LDLRAD4: variants seen among roughly 807,000 people sequenced by gnomAD.
LDLRAD4 encodes the protein low-density lipoprotein receptor class A domain-containing protein 4.
A neutral mutation model predicts 17.0 loss-of-function variants in LDLRAD4; 5 were observed. That is an observed-to-expected ratio of 0.29 (90% CI 0.15 to 0.62). The LOEUF is 0.62. LDLRAD4 is among the 20% of genes least tolerant of loss of function. The pLI, the probability that LDLRAD4 is intolerant of heterozygous loss-of-function variation, is 0.84. For missense variants in LDLRAD4, 340 were observed against 424.7 expected, an observed-to-expected ratio of 0.80 and a Z score of 1.75; for synonymous variants, 168 against 171.8, an observed-to-expected ratio of 0.98 and a Z score of 0.17.
chr18:13,561,707 A>G (rs529964173), intron 3 of LDLRAD4: 1 of 152,290 alleles, frequency 6.6e-6, no homozygotes, highest in East Asian at 1.9e-4. Flanking sequence ...TCAGTGTAGG[A>G]TTGATACCAA....
chr18:13,322,550 T>G (rs1035446703), intron 1 of LDLRAD4, among the ~76,000 whole-genome samples: 4 of 152,126 alleles, frequency 2.6e-5, no homozygotes, highest in Admixed American at 2.6e-4. Flanking sequence ...TCCACCTGCC[T>G]CAGCCTCCCA....
intron 3 of LDLRAD4, among the ~76,000 whole-genome samples, chr18:13,531,281 T>C (rs2094122538): frequency 6.6e-6 from 1 of 152,116 alleles, no homozygotes; most frequent in South Asian, 2.1e-4. Context: ...CTGTCCTACT[T>C]GTGGAATCAG....
intron 3 of LDLRAD4, chr18:13,542,902 C>G (rs1037752019): frequency 2.0e-5 from 3 of 152,158 alleles, no homozygotes; most frequent in Admixed American, 2.0e-4. Context: ...GCTTGTGTCC[C>G]CTCCAAGTCC....
chr18:13,512,310 T>A (rs1171829932), intron 3 of LDLRAD4, among the ~76,000 whole-genome samples: 1 of 152,208 alleles, frequency 6.6e-6, no homozygotes, highest in Non-Finnish European at 1.5e-5. Context: ...CCTAAAACCC[T>A]ACATAACTAT....
At position 13,255,373 on chromosome 18, in the gene LDLRAD4, A is replaced by G. The variant is rs116236217; in HGVS notation, c.-466-22732A>G. 1.4e-3 allele frequency among the ~76,000 whole-genome samples: 216 copies of G among 152,320 alleles called. 1 individual carries two copies. The highest frequency in any genetic ancestry group is 4.8e-3 in the African/African-American group (201 of 41,572). ...CCGAGAAGGTAGCATTAGAGCAGGG[A>G]GTGACCATATGGGTACTGGGGAAGA... On this transcript the variant is annotated intron_variant, in intron 1 of 5. Transcript: ENST00000399848.
intron 3 of LDLRAD4, among the ~76,000 whole-genome samples, chr18:13,561,023 A>G (rs982576376): frequency 6.7e-6 from 1 of 150,072 alleles, no homozygotes; most frequent in Admixed American, 6.7e-5. Flanking sequence ...AGGTCTCCCA[A>G]GAGCTCTGGG....
chr18:13,423,874 C>T (rs111589303), intron 2 of LDLRAD4, among the ~76,000 whole-genome samples: 3,934 of 152,244 alleles, frequency 0.026, 184 homozygotes, highest in African/African-American at 0.091. Context: ...ATGGCTCATG[C>T]GTGTAATCCC....
At chr18:13,295,916 T>C (rs2046245822) in intron 1 of LDLRAD4, among the ~76,000 whole-genome samples, 1 of 152,232 alleles carries the variant, frequency 6.6e-6, no homozygotes, top group Admixed American at 6.5e-5. Context: ...AAGTTGGAGC[T>C]TTGGGACTCC....
intron 2 of LDLRAD4, among the ~76,000 whole-genome samples, chr18:13,435,705 C>G (rs1051205932): frequency 3.3e-5 from 5 of 152,202 alleles, no homozygotes; most frequent in Admixed American, 6.5e-5. Context: ...GCCTCTGCCT[C>G]CCAAGTGTGG....
intron 2 of LDLRAD4, among the ~76,000 whole-genome samples, chr18:13,401,096 G>A (rs568092614): frequency 1.2e-4 from 18 of 152,160 alleles, no homozygotes; most frequent in African/African-American, 4.1e-4. Context: ...CTAAGGACAA[G>A]GGAGGGCAAG....
At chr18:13,262,315 T>TGGCCGTGTGC (rs2043898498) in intron 1 of LDLRAD4, among the ~76,000 whole-genome samples, 1 of 134,450 alleles carries the variant, frequency 7.4e-6, no homozygotes, top group African/African-American at 3.2e-5. Context: ...GCTCTGTGTG[T>TGGCCGTGTGC]GTGGAAACTG....
intron 1 of LDLRAD4, among the ~76,000 whole-genome samples, chr18:13,230,545 G>A (rs1175730244): frequency 6.6e-6 from 1 of 151,612 alleles, no homozygotes; most frequent in Non-Finnish European, 1.5e-5. Flanking sequence ...TGACCTGTGT[G>A]CTTAGACATT....
At chr18:13,612,550 C>A (rs1188197065) in intron 3 of LDLRAD4, 21 of 1,444,094 alleles carry the variant, frequency 1.5e-5, no homozygotes, top group East Asian at 2.5e-5. Context: ...AACACACCCC[C>A]CCCCCCTCCA....
chr18:13,505,246 AAGC>A (rs1185717435), intron 3 of LDLRAD4, among the ~76,000 whole-genome samples: 5 of 152,246 alleles, frequency 3.3e-5, no homozygotes, highest in African/African-American at 1.2e-4. Flanking sequence ...GAACAGAACT[AAGC>A]AGAAGAACTT....
At chr18:13,304,809 TG>T (rs954659772) in intron 1 of LDLRAD4, among the ~76,000 whole-genome samples, 9 of 152,046 alleles carry the variant, frequency 5.9e-5, no homozygotes, top group Non-Finnish European at 1.3e-4. Context: ...GGTCCTGCTG[TG>T]GGGGTGTAGG....
At chr18:13,639,326 C>A (rs1197334634) in intron 4 of LDLRAD4, among the ~76,000 whole-genome samples, 1 of 152,190 alleles carries the variant, frequency 6.6e-6, no homozygotes, top group African/African-American at 2.4e-5. Context: ...ACAAGGGAGA[C>A]ACATCTTTGT....
intron 1 of LDLRAD4, chr18:13,236,412 C>T (rs141650386): frequency 0.025 from 3,692 of 148,938 alleles, 59 homozygotes; most frequent in Non-Finnish European, 0.034. Context: ...CGGGTTCAAG[C>T]GATTCTCCTG....
At chr18:13,624,821 G>A (rs1271874248) in intron 4 of LDLRAD4, among the ~76,000 whole-genome samples, 4 of 152,224 alleles carry the variant, frequency 2.6e-5, no homozygotes, top group Non-Finnish European at 5.9e-5. Flanking sequence ...GAGCCTGGCA[G>A]TCCTCTGTCT....
At chr18:13,239,186 C>CAAAAAA (rs35736846) in intron 1 of LDLRAD4, among the ~76,000 whole-genome samples, 7 of 121,296 alleles carry the variant, frequency 5.8e-5, no homozygotes, top group African/African-American at 1.9e-4. Context: ...GACTCTGTCT[C>CAAAAAA]AAAAAAAAAA....
Sources: gnomAD v4.1 joint callset for allele counts (sites outside exome capture counted in the v4.1 genomes callset) on GRCh38, gnomAD v4.1.1 for gene constraint, MANE v1.5 for transcripts, NCBI Gene and HGNC (gene_info 2026-07-23, HGNC 2026-07-21) for gene names.